CYP2J2: variants seen among roughly 807,000 people sequenced by gnomAD.
CYP2J2 encodes the protein cytochrome P450 2J2.
A neutral mutation model predicts 48.8 loss-of-function variants in CYP2J2; 41 were observed. That is an observed-to-expected ratio of 0.84 (90% CI 0.66 to 1.09). The LOEUF is 1.09. Ranked by LOEUF, CYP2J2 falls within the 50% of genes least tolerant of loss-of-function variation. The pLI, the probability that CYP2J2 is intolerant of heterozygous loss-of-function variation, is 0.00. For synonymous variants in CYP2J2, 221 were observed against 227.1 expected (o/e 0.97, Z 0.24); for missense variants, 644 against 617.3 (o/e 1.04, Z -0.46).
the CYP2J2 span, among the ~76,000 whole-genome samples, chr1:59,946,548 T>C: frequency 6.6e-6 from 1 of 152,216 alleles, no homozygotes; most frequent in African/African-American, 2.4e-5. Context: ...GGTTTTTGTC[T>C]GTTTTGTTCA....
the CYP2J2 span, among the ~76,000 whole-genome samples, chr1:59,949,912 G>A: frequency 2.0e-5 from 3 of 152,098 alleles, no homozygotes; most frequent in African/African-American, 7.2e-5. Flanking sequence ...AAGGAAGAAG[G>A]AGGGGAATAT....
At chr1:59,915,912 C>T (rs3738474) in intron 2 of CYP2J2, 26 bp downstream of exon 2, 106,350 of 1,605,960 alleles carry the variant, frequency 0.066, 3,765 homozygotes, top group Non-Finnish European at 0.073. Flanking sequence ...ATCAAACACT[C>T]ACCTTTCGTT....
At chr1:59,963,976 A>G in the CYP2J2 span, among the ~76,000 whole-genome samples, 1 of 149,626 alleles carries the variant, frequency 6.7e-6, no homozygotes, top group South Asian at 2.1e-4. Context: ...CAATGACCAT[A>G]GTTTATCATG....
chr1:59,952,009 G>T, the CYP2J2 span, among the ~76,000 whole-genome samples: 1 of 152,068 alleles, frequency 6.6e-6, no homozygotes, highest in Non-Finnish European at 1.5e-5. Context: ...TTTGTTCATT[G>T]TTGACTACCC....
the CYP2J2 span, among the ~76,000 whole-genome samples, chr1:59,947,980 T>C: frequency 6.6e-6 from 1 of 152,164 alleles, no homozygotes; most frequent in Admixed American, 6.5e-5. Context: ...ATGCAATGGT[T>C]CTTTCGGTTT....
At chr1:59,904,458 C>G (rs1644347922) in intron 7 of CYP2J2, 1 of 159,584 alleles carries the variant, frequency 6.3e-6, no homozygotes, top group South Asian at 1.9e-4. Flanking sequence ...TTCTAGAACC[C>G]CAGGTTCATG....
At chr1:59,943,149 T>C in the CYP2J2 span, among the ~76,000 whole-genome samples, 1 of 152,192 alleles carries the variant, frequency 6.6e-6, no homozygotes, top group African/African-American at 2.4e-5. Context: ...AAGCTGATTA[T>C]TCAGGTCTGA....
intron 1 of CYP2J2, 100 bp from the exon 2 acceptor site, chr1:59,916,200 C>T (rs377225100): frequency 2.9e-5 from 29 of 985,194 alleles, no homozygotes; most frequent in Middle Eastern, 3.3e-4. Context: ...GAGAGGAGTG[C>T]GTGTGTCTGT....
chr1:59,949,946 TTTTC>T, the CYP2J2 span, among the ~76,000 whole-genome samples: 1 of 152,150 alleles, frequency 6.6e-6, no homozygotes, highest in African/African-American at 2.4e-5. Flanking sequence ...TTGGATGCTC[TTTTC>T]TTTTTCCTCC....
chr1:59,951,156 G>T, the CYP2J2 span, among the ~76,000 whole-genome samples: 3 of 152,196 alleles, frequency 2.0e-5, no homozygotes, highest in South Asian at 2.1e-4. Flanking sequence ...TAAGTTACTT[G>T]CCCAAGGTCA....
the CYP2J2 span, among the ~76,000 whole-genome samples, chr1:59,959,105 C>T: frequency 6.6e-6 from 1 of 152,140 alleles, no homozygotes; most frequent in Non-Finnish European, 1.5e-5. Context: ...GATTTCCCTC[C>T]TGCAATTAGG....
intron 6 of CYP2J2, among the ~76,000 whole-genome samples, chr1:59,907,540 C>T (rs987157700): frequency 6.6e-6 from 1 of 152,214 alleles, no homozygotes; most frequent in Non-Finnish European, 1.5e-5. Flanking sequence ...CGACTGACTT[C>T]GTTGATTTCC....
At chr1:59,905,643 C>A (rs1368540980) in intron 6 of CYP2J2, among the ~76,000 whole-genome samples, 1 of 152,222 alleles carries the variant, frequency 6.6e-6, no homozygotes, top group Non-Finnish European at 1.5e-5. Context: ...TGCTCTACAA[C>A]ATTGATGCTG....
intron 8 of CYP2J2, among the ~76,000 whole-genome samples, chr1:59,898,770 T>A (rs1261215970): frequency 6.6e-6 from 1 of 152,208 alleles, no homozygotes; most frequent in African/African-American, 2.4e-5. Context: ...TATCTTAAAT[T>A]AAAAGGAGAT....
the CYP2J2 span, among the ~76,000 whole-genome samples, chr1:59,934,989 GATATATAT>G: frequency 6.9e-5 from 4 of 58,390 alleles, no homozygotes; most frequent in Admixed American, 2.5e-4. Flanking sequence ...AAGAAAATGG[GATATATAT>G]ATATATATAT....
chr1:59,912,485 GC>G, intron 2 of CYP2J2, 174 bp from the exon 3 acceptor site: 1 of 625,066 alleles, frequency 1.6e-6, no homozygotes, highest in Non-Finnish European at 2.7e-6. Flanking sequence ...TTTACTGATT[GC>G]TTGCAATGGC....
intron 4 of CYP2J2, among the ~76,000 whole-genome samples, chr1:59,910,177 C>A (rs905034724): frequency 2.6e-5 from 4 of 151,788 alleles, no homozygotes; most frequent in Non-Finnish European, 4.4e-5. Context: ...ACCACCGCAA[C>A]AGCTTGCCAC....
At chr1:59,917,314 C>T (rs2102132227) in intron 1 of CYP2J2, among the ~76,000 whole-genome samples, 1 of 152,270 alleles carries the variant, frequency 6.6e-6, no homozygotes, top group Non-Finnish European at 1.5e-5. Context: ...GGGACAGGAA[C>T]CCACTGGTGT....
At chr1:59,900,881 T>C in intron 8 of CYP2J2, 84 bp downstream of exon 8, 3 of 1,492,192 alleles carry the variant, frequency 2.0e-6, no homozygotes, top group South Asian at 1.2e-5. Flanking sequence ...GACATTCCAA[T>C]GAAAACAAGG....
Sources: gnomAD v4.1 joint callset for allele counts (sites outside exome capture counted in the v4.1 genomes callset) on GRCh38, gnomAD v4.1.1 for gene constraint, MANE v1.5 for transcripts, NCBI Gene and HGNC (gene_info 2026-07-23, HGNC 2026-07-21) for gene names.